The following CDHR3 variants were observed in gnomAD, a reference collection of about 807,000 sequenced individuals.
The protein encoded by CDHR3 is cadherin related family member 3.
A neutral mutation model predicts 86.6 loss-of-function variants in CDHR3; 79 were observed. The observed-to-expected ratio is 0.91, with a 90% CI of 0.76 to 1.10. The LOEUF (loss-of-function observed/expected upper bound fraction) is 1.10. CDHR3 is among the 50% of genes least tolerant of loss of function. CDHR3 has a pLI of 0.00. For missense variants in CDHR3, 1,081 were observed against 1,077.6 expected (o/e 1.00, Z -0.04); for synonymous variants, 421 against 402.4 (o/e 1.05, Z -0.55).
In CDHR3 at chr7:106,032,779, G is replaced by T; in HGVS notation, c.*82G>T. The T allele has an allele frequency of 7.1e-7, 1 of 1,415,144 alleles. No homozygotes were observed. Among genetic ancestry groups the T allele is most frequent in the Non-Finnish European group, 9.5e-7 (1 of 1,056,232 alleles). The allele number at this position is 1,415,144 out of a possible 1,614,324, so 87.7% of individuals were successfully genotyped here. A position where few individuals can be genotyped will look rare whatever the true frequency, so the allele number is the denominator to read the frequency against. The stretch of plus-strand genomic sequence containing the variant: ...ATGGGGATGGTGTGGGCATGGTGTA[G>T]GGGGGAAAATGTGGGCTGAGGGGAT... On this transcript the variant is annotated 3_prime_UTR_variant, in exon 19 of 19. Transcript: ENST00000317716.
chr7:105,984,043 G>A, intron 3 of CDHR3, 149 bp from the exon 4 acceptor site: 2 of 474,304 alleles, frequency 4.2e-6, no homozygotes, highest in East Asian at 3.2e-5. Flanking sequence ...TTGGCCAGTG[G>A]TCTTGCTCAT....
At chr7:105,991,398 A>G (rs530807709) in intron 4 of CDHR3, among the ~76,000 whole-genome samples, 2 of 152,342 alleles carry the variant, frequency 1.3e-5, no homozygotes, top group Non-Finnish European at 2.9e-5. Flanking sequence ...AAAGAAAAAA[A>G]AAATCAAGAT....
chr7:105,976,521 C>T (rs1049372956), intron 2 of CDHR3, among the ~76,000 whole-genome samples: 1 of 152,188 alleles, frequency 6.6e-6, no homozygotes, highest in African/African-American at 2.4e-5. Context: ...TTAGTATATT[C>T]ACAGTCATGC....
intron 11 of CDHR3, 116 bp downstream of exon 11, chr7:106,016,141 T>G: frequency 1.6e-6 from 1 of 642,678 alleles, no homozygotes; most frequent in Non-Finnish European, 2.8e-6. Context: ...TGCACAGTGA[T>G]TCACAGCTGA....
intron 17 of CDHR3, 117 bp downstream of exon 17, chr7:106,028,699 T>C: frequency 9.0e-7 from 1 of 1,107,942 alleles, no homozygotes; most frequent in Non-Finnish European, 1.3e-6. Context: ...AGGGAGGTGC[T>C]TGTGTTTGGC....
At chr7:106,017,032 T>G (rs1835738337) in intron 11 of CDHR3, among the ~76,000 whole-genome samples, 1 of 152,190 alleles carries the variant, frequency 6.6e-6, no homozygotes, top group South Asian at 2.1e-4. Flanking sequence ...ACAATATTTG[T>G]AAAAATTGCA....
chr7:106,024,702 C>T (rs181871762), intron 15 of CDHR3, 140 bp downstream of exon 15: 143 of 830,240 alleles, frequency 1.7e-4, no homozygotes, highest in African/African-American at 1.6e-3. Flanking sequence ...AAAGGAGATA[C>T]GGGGGAAGGA....
chr7:105,987,610 G>A (rs947716737), intron 4 of CDHR3, among the ~76,000 whole-genome samples: 4 of 152,096 alleles, frequency 2.6e-5, no homozygotes, highest in Non-Finnish European at 4.4e-5. Context: ...TGAAACCACT[G>A]GGGGAGCTTT....
Position 106,028,924 on chromosome 7 carries a change from C to CTTTCTTTCTTTCTTTT in CDHR3, c.2304+357_2304+358insTTTTCTTTCTTTCTTT, listed in dbSNP as rs1563311830. Among the ~76,000 whole-genome samples the CTTTCTTTCTTTCTTTT allele has an allele frequency of 3.5e-3, 312 of 90,058 alleles. 6 individuals carry two copies. The highest frequency in any genetic ancestry group is 0.014 in the African/African-American group (286 of 20,822). The allele number at this position is 90,058 out of a possible 152,430, so 59.1% of individuals were successfully genotyped here. The stretch of plus-strand genomic sequence containing the variant: ...CTCCAGTGAGATTTAAATTTTCTTT[C>CTTTCTTTCTTTCTTTT]TTTCTTTCTTTCTTTCTTTCTTTCT... On this transcript the variant is annotated intron_variant, in intron 17 of 18. Transcript: ENST00000317716.
intron 2 of CDHR3, among the ~76,000 whole-genome samples, chr7:105,978,468 T>A (rs1435198449): frequency 6.6e-6 from 1 of 152,148 alleles, no homozygotes; most frequent in African/African-American, 2.4e-5. Context: ...AAATTTAACA[T>A]GCCTAAAGTG....
rs576023062 is a variant in CDHR3, at chr7:105,996,396, G to A, written c.713+42G>A. On this transcript the variant is annotated intron_variant, in intron 6 of 18. Transcript: ENST00000317716. The stretch of plus-strand genomic sequence containing the variant: ...GCAGGACTCCCTGGGCCGCAGGTGC[G>A]TCCTTCTTAGGCGGCCTCGTCTCCT... 199 of 1,196,610 alleles carry A rather than the reference G, an allele frequency of 1.7e-4. 2 individuals carry two copies. The South Asian group carries it at 1.9e-3, about 11-fold the overall frequency. The allele number at this position is 1,196,610 out of a possible 1,614,324, so 74.1% of individuals were successfully genotyped here.
At chr7:105,964,691 A>T (rs1334528611) in intron 1 of CDHR3, among the ~76,000 whole-genome samples, 1 of 152,172 alleles carries the variant, frequency 6.6e-6, no homozygotes. Context: ...CTTATTTCTA[A>T]ATAAAAATGG....
chr7:105,983,543 C>T (rs537693390), intron 3 of CDHR3, among the ~76,000 whole-genome samples: 1 of 152,256 alleles, frequency 6.6e-6, no homozygotes, highest in East Asian at 1.9e-4. Flanking sequence ...TCATATTGTC[C>T]ATCATCACTG....
At chr7:106,024,856 G>A (rs1837120013) in intron 15 of CDHR3, among the ~76,000 whole-genome samples, 1 of 152,134 alleles carries the variant, frequency 6.6e-6, no homozygotes, top group Admixed American at 6.5e-5. Context: ...ACCTTGCCCT[G>A]GATAAAATCT....
At chr7:105,976,218 T>C (rs80129657) in intron 2 of CDHR3, among the ~76,000 whole-genome samples, 2,724 of 152,342 alleles carry the variant, frequency 0.018, 32 homozygotes, top group Non-Finnish European at 0.029. Context: ...CTTACCCTTA[T>C]AGAGCACGTT....
intron 7 of CDHR3, among the ~76,000 whole-genome samples, chr7:106,003,192 G>A (rs188875859): frequency 3.4e-4 from 51 of 150,372 alleles, no homozygotes; most frequent in Non-Finnish European, 5.5e-4. Flanking sequence ...CTTTGGTACC[G>A]AGTCTTGGAA....
intron 4 of CDHR3, 23 bp downstream of exon 4, chr7:105,984,312 G>A: frequency 1.3e-6 from 2 of 1,575,488 alleles, no homozygotes; most frequent in Non-Finnish European, 1.7e-6. Context: ...ATATGGAAGA[G>A]GTGGTGTTTG....
At chr7:106,028,934 TTCTTTCTTTC>T (rs1249523555) in intron 17 of CDHR3, among the ~76,000 whole-genome samples, 191 of 112,210 alleles carry the variant, frequency 1.7e-3, no homozygotes, top group Non-Finnish European at 2.7e-3. Flanking sequence ...CTTTCTTTCT[TTCTTTCTTTC>T]TTTCTTTCTT....
At chr7:105,993,863 A>G (rs919033054) in intron 4 of CDHR3, among the ~76,000 whole-genome samples, 1 of 152,068 alleles carries the variant, frequency 6.6e-6, no homozygotes, top group Non-Finnish European at 1.5e-5. Flanking sequence ...CGGGCTGTAC[A>G]CATAAACCTG....
Sources: gnomAD v4.1 joint callset for allele counts (sites outside exome capture counted in the v4.1 genomes callset) on GRCh38, gnomAD v4.1.1 for gene constraint, MANE v1.5 for transcripts, NCBI Gene and HGNC (gene_info 2026-07-23, HGNC 2026-07-21) for gene names.